EHBP1: variants seen among roughly 807,000 people sequenced by gnomAD.
EHBP1 encodes EH domain-binding protein 1.
EHBP1 carries 55 observed loss-of-function variants against 144.0 expected under a neutral mutation model. That is an observed-to-expected ratio of 0.38 (90% CI 0.31 to 0.48). The LOEUF (loss-of-function observed/expected upper bound fraction) is 0.48, where lower values mean the gene tolerates loss of function less well. Among genes scored for constraint, EHBP1 ranks in the 20% least tolerant of loss-of-function variants. EHBP1 has a pLI of 0.98. For synonymous variants in EHBP1, 469 were observed against 472.7 expected (o/e 0.99, Z 0.10); for missense variants, 1,200 against 1,364.2 (o/e 0.88, Z 1.90).
chr2:62,906,332 A>C (rs1286182886), intron 10 of EHBP1, among the ~76,000 whole-genome samples: 1 of 152,166 alleles, frequency 6.6e-6, no homozygotes, highest in Non-Finnish European at 1.5e-5. Context: ...ACACAGTATC[A>C]CACTATCTTC....
chr2:62,990,753 G>A lies in EHBP1; in HGVS notation c.2646G>A (p.Lys882=). 1 of 1,613,852 alleles carries A rather than the reference G, an allele frequency of 6.2e-7. No homozygotes were observed. ...NSKLVDLKLK[K]LLEVQPQVAN... ...AGTTGGTGGACTTGAAGCTGAAGAA[G>A]CTCCTAGAAGTTCAGCCACAGGTGG... is the stretch of plus-strand genomic sequence containing the variant. The change falls in exon 16 of 23, where the codon AAG becomes AAA. Residue 882 remains lysine, a synonymous_variant. Transcript: ENST00000431489.
intron 7 of EHBP1, among the ~76,000 whole-genome samples, chr2:62,853,182 G>T (rs762226568): frequency 8.5e-5 from 13 of 152,050 alleles, no homozygotes; most frequent in Non-Finnish European, 1.6e-4. Context: ...TTTGGTTCCA[G>T]ACCACCACAA....
chr2:62,864,939 T>C lies in EHBP1; in HGVS notation c.966T>C (p.Asp322=), dbSNP rs1389639751. 6.2e-7 allele frequency: 1 copy of C among 1,613,650 alleles called. No homozygotes were observed. Among genetic ancestry groups the C allele is most frequent in the East Asian group, 2.2e-5 (1 of 44,830 alleles). ...ATATGAGCAAGTACCTCTATGCTGA[T>C]AGTTCTAAAACTGAAGAAGAAGAAT... ...PVDMSKYLYA[D]SSKTEEEELD... is the part of the protein sequence containing the mutation. Residue 322 remains aspartate (D), a synonymous_variant, in exon 9 of 23, where the codon GAT becomes GAC. Coordinates refer to ENST00000431489, the MANE Select transcript of EHBP1 (RefSeq NM_001142616.3).
chr2:62,778,457 T>G (rs1445791627), intron 5 of EHBP1, among the ~76,000 whole-genome samples: 5 of 151,652 alleles, frequency 3.3e-5, no homozygotes, highest in Admixed American at 6.6e-5. Context: ...GGCAAGAGGA[T>G]TGGTTGAGCC....
intron 7 of EHBP1, among the ~76,000 whole-genome samples, chr2:62,848,867 A>G (rs531193452): frequency 1.3e-4 from 20 of 152,346 alleles, no homozygotes; most frequent in African/African-American, 4.6e-4. Flanking sequence ...AATTCATTAA[A>G]TTATACAGTC....
In EHBP1 at chr2:62,781,961, A is replaced by C. The variant is rs550686842; in HGVS notation, c.312+10569A>C. Among the ~76,000 whole-genome samples, 16 of 152,344 alleles carry C rather than the reference A, an allele frequency of 1.1e-4. No homozygotes were observed. In the East Asian group the frequency reaches 1.7e-3, roughly 17 times the overall value. ...TAAAATGGGATATTTCATCTTTATG[A>C]AGCATTTCTAAAGTGGATGTTATTA... On this transcript the variant is annotated intron_variant, in intron 5 of 22. Transcript: ENST00000431489.
At chr2:62,863,853 T>G (rs1301178627) in intron 8 of EHBP1, among the ~76,000 whole-genome samples, 1 of 138,502 alleles carries the variant, frequency 7.2e-6, no homozygotes, top group Admixed American at 7.2e-5. Context: ...TTTTTTTTTT[T>G]TTTTTTTTTT....
At chr2:62,789,335 C>T (rs112283000) in intron 5 of EHBP1, among the ~76,000 whole-genome samples, 294 of 152,272 alleles carry the variant, frequency 1.9e-3, no homozygotes, top group African/African-American at 6.8e-3. Flanking sequence ...CATCTATTTA[C>T]GTAATTACAT....
chr2:63,003,114 TTAGTGAATAGTCAC>T (rs1391633228), intron 19 of EHBP1, among the ~76,000 whole-genome samples: 2 of 152,088 alleles, frequency 1.3e-5, no homozygotes, highest in African/African-American at 4.8e-5. Context: ...ATAAATTCTG[TTAGTGAATAGTCAC>T]TAGTCACCAT....
intron 14 of EHBP1, among the ~76,000 whole-genome samples, chr2:62,957,485 G>A (rs1464232562): frequency 6.6e-6 from 1 of 151,872 alleles, no homozygotes; most frequent in Non-Finnish European, 1.5e-5. Context: ...ATATCATAAT[G>A]GGGAACCTAA....
At chr2:62,904,177 T>A (rs2053626174) in intron 10 of EHBP1, among the ~76,000 whole-genome samples, 1 of 152,204 alleles carries the variant, frequency 6.6e-6, no homozygotes, top group Non-Finnish European at 1.5e-5. Context: ...AAAGGATTCT[T>A]GAAGGAAGTG....
At chr2:62,943,967 G>T (rs980827528) in intron 12 of EHBP1, 117 bp downstream of exon 12, 13 of 652,522 alleles carry the variant, frequency 2.0e-5, no homozygotes, top group Non-Finnish European at 3.1e-5. Flanking sequence ...CTCACAGAGG[G>T]TTGTCTGCTT....
intron 5 of EHBP1, among the ~76,000 whole-genome samples, chr2:62,824,339 A>C (rs1434024793): frequency 6.6e-6 from 1 of 152,014 alleles, no homozygotes; most frequent in Non-Finnish European, 1.5e-5. Context: ...CAAGCTTTCA[A>C]AACAGAGGCT....
Position 63,038,757 on chromosome 2 carries a change from A to T in EHBP1, c.3218A>T (p.Asp1073Val). ...AACTTGCCCAGGGAAAAAGAACATG[A>T]TTTAGAACGACGGTATGAGCTGCTG... The part of the protein sequence containing the change: ...NQLSLLEKEH[D>V]LERRYELLNR... The change falls in exon 21 of 23, where the codon GAT becomes GTT. Residue 1073 changes from aspartate (D) to valine (V), a missense_variant. Transcript: ENST00000431489. The T allele has an allele frequency of 6.2e-7, 1 of 1,613,424 alleles. No individual in the cohort carries two copies. Among genetic ancestry groups the T allele is most frequent in the Non-Finnish European group, 8.5e-7 (1 of 1,179,486 alleles).
At chr2:62,844,161 A>T (rs1009411322) in intron 7 of EHBP1, among the ~76,000 whole-genome samples, 2 of 152,196 alleles carry the variant, frequency 1.3e-5, no homozygotes, top group East Asian at 3.8e-4. Flanking sequence ...GTAATTTCTT[A>T]TGGAAAGTTG....
intron 7 of EHBP1, among the ~76,000 whole-genome samples, chr2:62,833,199 C>T (rs762277512): frequency 1.8e-4 from 27 of 152,216 alleles, no homozygotes; most frequent in East Asian, 5.8e-4. Context: ...CTGAGAAAGG[C>T]GAGGAAGCTG....
At chr2:62,806,366 G>T (rs2044472422) in intron 5 of EHBP1, among the ~76,000 whole-genome samples, 6 of 151,578 alleles carry the variant, frequency 4.0e-5, no homozygotes, top group Admixed American at 3.9e-4. Context: ...TTTTTCGTTT[G>T]GTTTGTTTTT....
intron 5 of EHBP1, among the ~76,000 whole-genome samples, chr2:62,825,753 A>T (rs983023558): frequency 1.3e-5 from 2 of 152,074 alleles, no homozygotes; most frequent in African/African-American, 4.8e-5. Flanking sequence ...GTTGATGCCT[A>T]GCCCTGTATT....
intron 19 of EHBP1, among the ~76,000 whole-genome samples, chr2:63,036,343 T>A (rs1488806631): frequency 6.6e-6 from 1 of 152,018 alleles, no homozygotes; most frequent in Admixed American, 6.6e-5. Flanking sequence ...TATATACACA[T>A]GTGTGATAGA....
Sources: allele counts gnomAD v4.1 joint callset (sites outside exome capture counted in the v4.1 genomes callset), GRCh38; gene constraint gnomAD v4.1.1; transcripts MANE v1.5; gene names NCBI Gene and HGNC (gene_info 2026-07-23, HGNC 2026-07-21).